FAP: variants seen among roughly 807,000 people sequenced by gnomAD.
FAP encodes the protein fibroblast activation protein alpha.
FAP carries 110 observed loss-of-function variants against 126.5 expected under a neutral mutation model. The observed-to-expected ratio is 0.87, with a 90% CI of 0.74 to 1.02. The LOEUF (loss-of-function observed/expected upper bound fraction) is 1.02, where lower values mean the gene tolerates loss of function less well. Among genes scored for constraint, FAP ranks in the 50% least tolerant of loss-of-function variants. The probability of loss-of-function intolerance (pLI) is 0.00; values close to 1 mark genes in which losing one functional copy is unlikely to be tolerated. For missense variants in FAP, 919 were observed against 909.2 expected (o/e 1.01, Z -0.14); for synonymous variants, 334 against 297.3 (o/e 1.12, Z -1.27).
chr2:162,229,403 C>T (rs557541041), intron 2 of FAP, among the ~76,000 whole-genome samples: 1 of 152,082 alleles, frequency 6.6e-6, no homozygotes, highest in Non-Finnish European at 1.5e-5. Flanking sequence ...CTACTAAAAC[C>T]ACAGTTTGAG....
rs182967911 is a variant in FAP, at chr2:162,178,007, C to T, written c.1870-3041G>A. 1.6e-3 allele frequency among the ~76,000 whole-genome samples: 244 copies of T among 152,288 alleles called. 2 individuals are homozygous for T. The highest frequency in any genetic ancestry group is 3.4e-3 in the Middle Eastern group (1 of 294). ...TGGGACTCAAACTCAGGACACTTGT[C>T]TCAGCAACCCATGCCCCTTCCTCTG... On this transcript the variant is annotated intron_variant, in intron 21 of 25. Coordinates refer to ENST00000188790, the MANE Select transcript of FAP (RefSeq NM_004460.5).
chr2:162,173,001 G>T, intron 24 of FAP, 117 bp from the exon 25 acceptor site: 1 of 1,099,856 alleles, frequency 9.1e-7, no homozygotes. Context: ...GACATTGTCA[G>T]CAGTGAGTAA....
At chr2:162,229,205 T>C (rs1002978229) in intron 2 of FAP, among the ~76,000 whole-genome samples, 1 of 152,170 alleles carries the variant, frequency 6.6e-6, no homozygotes, top group South Asian at 2.1e-4. Flanking sequence ...TAATCTTCAT[T>C]TTCATAGAAG....
chr2:162,199,636 A>G (rs1688414160), intron 15 of FAP, among the ~76,000 whole-genome samples: 1 of 151,812 alleles, frequency 6.6e-6, no homozygotes, highest in African/African-American at 2.4e-5. Context: ...ACAGGTCAGG[A>G]CCCCATGGTG....
intron 2 of FAP, among the ~76,000 whole-genome samples, chr2:162,228,933 T>C (rs1271958526): frequency 2.0e-5 from 3 of 152,198 alleles, no homozygotes; most frequent in Non-Finnish European, 1.5e-5. Context: ...ACACATTTAG[T>C]TTGTGCCTAC....
chr2:162,199,000 T>C (rs112556294), intron 15 of FAP, 119 bp from the exon 16 acceptor site: 3 of 808,028 alleles, frequency 3.7e-6, no homozygotes, highest in Non-Finnish European at 5.9e-6. Context: ...TATTTTTCTG[T>C]TGCCAATATC....
At chr2:162,183,280 AACTG>A in intron 21 of FAP, 130 bp downstream of exon 21, 1 of 768,552 alleles carries the variant, frequency 1.3e-6, no homozygotes, top group Non-Finnish European at 2.2e-6. Context: ...AGATTATCCA[AACTG>A]ACTGTTTCCA....
At chr2:162,216,497 A>G (rs1431696485) in intron 9 of FAP, among the ~76,000 whole-genome samples, 2 of 152,174 alleles carry the variant, frequency 1.3e-5, no homozygotes, top group African/African-American at 4.8e-5. Context: ...ACCTGCTTGC[A>G]TTATTACTGC....
In FAP at chr2:162,219,912, C is replaced by T. The variant is rs1276999107; in HGVS notation, c.427G>A (p.Gly143Arg). The T allele has an allele frequency of 1.9e-6, 3 of 1,611,422 alleles. No individual in the cohort carries two copies. The highest frequency in any genetic ancestry group is 1.3e-5 in the African/African-American group (1 of 74,866). ...YDLSNGEFVR[G>R]NELPRPIQYL... ...TGAATTGGACGAGGAAGCTCATTTC[C>T]TCTTACAAATTCTCTAGAAGGAAAG... is the stretch of plus-strand genomic sequence containing the variant. Residue 143 changes from glycine (G) to arginine (R), a missense_variant, in exon 7 of 26, where the codon GGA becomes AGA. Coordinates refer to ENST00000188790, the MANE Select transcript of FAP (RefSeq NM_004460.5).
At chr2:162,181,519 G>A (rs549263561) in intron 21 of FAP, among the ~76,000 whole-genome samples, 1 of 152,210 alleles carries the variant, frequency 6.6e-6, no homozygotes, top group African/African-American at 2.4e-5. Flanking sequence ...TCAGGTCCTG[G>A]GCAATGTGGT....
chr2:162,204,037 A>T (rs1688601915), intron 12 of FAP, among the ~76,000 whole-genome samples: 2 of 152,200 alleles, frequency 1.3e-5, no homozygotes, highest in South Asian at 4.1e-4. Flanking sequence ...ATGAGGAAAG[A>T]GCTACTCTAC....
In FAP at chr2:162,170,917, ACTGT is replaced by A; in HGVS notation, c.*58_*61del. On this transcript the variant is annotated 3_prime_UTR_variant, in exon 26 of 26. Transcript: ENST00000188790. ...ACAACATAAAAAATAAAATAAGCAAACTGTCTGAGGGGTTTATATAAGGTTTTCA... is the reference window on the plus strand; with the variant it reads ...ACAACATAAAAAATAAAATAAGCAAACTGAGGGGTTTATATAAGGTTTTCA... 6 of 1,196,322 alleles carry A rather than the reference ACTGT, an allele frequency of 5.0e-6. No homozygotes were observed. The highest frequency in any genetic ancestry group is 2.0e-5 in the Admixed American group (1 of 50,162). The allele number at this position is 1,196,322 out of a possible 1,614,324, so 74.1% of individuals were successfully genotyped here. A position where few individuals can be genotyped will look rare whatever the true frequency, so the allele number is the denominator to read the frequency against.
chr2:162,187,714 T>G (rs1165296901), intron 20 of FAP, among the ~76,000 whole-genome samples: 1 of 152,130 alleles, frequency 6.6e-6, no homozygotes. Flanking sequence ...GGCCGACTGA[T>G]AGCTAGTTTA....
At position 162,189,323 on chromosome 2, in the gene FAP, T is replaced by C. The variant is rs77206502; in HGVS notation, c.1550-151A>G. 809 of 497,708 alleles carry C rather than the reference T, an allele frequency of 1.6e-3. 9 individuals carry two copies. Among genetic ancestry groups the C allele is most frequent in the African/African-American group, 0.015 (728 of 49,776 alleles). 30.8% of individuals were successfully genotyped at this position (497,708 alleles called of 1,614,324 possible). On this transcript the variant is annotated intron_variant, in intron 18 of 25. Transcript: ENST00000188790. ...ATATTTAAAAGTAACTTTTATTAAA[T>C]TTTTGTGTTAAATGTATAAATGACT...
At chr2:162,196,328 T>A (rs1576154915) in intron 16 of FAP, among the ~76,000 whole-genome samples, 1 of 152,298 alleles carries the variant, frequency 6.6e-6, no homozygotes, top group East Asian at 1.9e-4. Context: ...TTATAGAATG[T>A]TATTGCAGAG....
intron 16 of FAP, among the ~76,000 whole-genome samples, chr2:162,196,083 C>T (rs925053822): frequency 6.6e-6 from 1 of 152,026 alleles, no homozygotes; most frequent in Non-Finnish European, 1.5e-5. Context: ...AGTGCCAAGC[C>T]CCATGGAGGA....
intron 2 of FAP, among the ~76,000 whole-genome samples, chr2:162,231,583 C>A (rs1174954719): frequency 6.6e-6 from 1 of 152,170 alleles, no homozygotes; most frequent in Non-Finnish European, 1.5e-5. Flanking sequence ...CTCTCATTAA[C>A]TATGCTTTAA....
At chr2:162,203,610 A>G (rs1450400563) in intron 12 of FAP, among the ~76,000 whole-genome samples, 1 of 152,188 alleles carries the variant, frequency 6.6e-6, no homozygotes, top group African/African-American at 2.4e-5. Flanking sequence ...AGATGAAAAG[A>G]TCATGGCTTG....
chr2:162,200,719 C>G (rs1224040040), intron 14 of FAP, 100 bp from the exon 15 acceptor site: 2 of 559,558 alleles, frequency 3.6e-6, no homozygotes, highest in South Asian at 5.2e-5. Flanking sequence ...AAGCATTTAT[C>G]TAATGAAACA....
Sources: allele counts gnomAD v4.1 joint callset (sites outside exome capture counted in the v4.1 genomes callset), GRCh38; gene constraint gnomAD v4.1.1; transcripts MANE v1.5; gene names NCBI Gene and HGNC (gene_info 2026-07-23, HGNC 2026-07-21).